BMPR1B: variants seen among roughly 807,000 people sequenced by gnomAD.
The protein encoded by BMPR1B is bone morphogenetic protein receptor type 1B.
A neutral mutation model predicts 59.1 loss-of-function variants in BMPR1B; 12 were observed. The ratio of observed to expected loss-of-function variants is 0.20; its 90% confidence interval spans 0.13 to 0.33. The LOEUF (loss-of-function observed/expected upper bound fraction) is 0.33, where lower values mean the gene tolerates loss of function less well. BMPR1B is among the 10% of genes least tolerant of loss of function. The pLI, the probability that BMPR1B is intolerant of heterozygous loss-of-function variation, is 1.00. For synonymous variants in BMPR1B, 237 were observed against 207.3 expected (o/e 1.14, Z -1.23); for missense variants, 550 against 610.9 (o/e 0.90, Z 1.05).
chr4:94,845,867 G>A (rs62316168), intron 1 of BMPR1B, among the ~76,000 whole-genome samples: 6 of 151,972 alleles, frequency 3.9e-5, no homozygotes, highest in African/African-American at 1.4e-4. Flanking sequence ...TATTATTTTG[G>A]CATAATAGAG....
intron 1 of BMPR1B, among the ~76,000 whole-genome samples, chr4:94,789,550 AT>A (rs36091654): frequency 0.55 from 83,919 of 151,814 alleles, 23,408 homozygotes; most frequent in Middle Eastern, 0.71. Flanking sequence ...GAATAAAAAA[AT>A]CACTTGAATT....
intron 3 of BMPR1B, among the ~76,000 whole-genome samples, chr4:95,099,410 T>C (rs1024816083): frequency 2.6e-5 from 4 of 152,218 alleles, no homozygotes; most frequent in Non-Finnish European, 4.4e-5. Flanking sequence ...CATGCAGATA[T>C]AGAAACAGGA....
rs976084221 is a variant in BMPR1B, at chr4:94,840,905, T to C, written c.-182-34926T>C. On this transcript the variant is annotated intron_variant, in intron 1 of 12. Transcript: ENST00000515059. ...CCATCTTTGTGGTTTTATCTCCTTT[T>C]GGTCTTTGATGATGGTGATGTACAG... Among the ~76,000 whole-genome samples, 104 of 147,320 alleles carry C rather than the reference T, an allele frequency of 7.1e-4. 7 individuals are homozygous for C. The highest frequency in any genetic ancestry group is 2.4e-3 in the African/African-American group (97 of 39,818).
At chr4:94,954,865 T>C (rs2149059303) in intron 2 of BMPR1B, among the ~76,000 whole-genome samples, 1 of 152,268 alleles carries the variant, frequency 6.6e-6, no homozygotes, top group South Asian at 2.1e-4. Context: ...TGTATGAAAA[T>C]TATTTAACAT....
chr4:94,779,926 A>G (rs1023440268), intron 1 of BMPR1B, among the ~76,000 whole-genome samples: 6 of 152,252 alleles, frequency 3.9e-5, no homozygotes, highest in African/African-American at 1.4e-4. Context: ...GCTGTATCAA[A>G]TTATTCTGTA....
chr4:95,069,831 GGCTCACGCCTGTAATCCCAA>G (rs1728138343), intron 3 of BMPR1B, among the ~76,000 whole-genome samples: 1 of 152,182 alleles, frequency 6.6e-6, no homozygotes, highest in Non-Finnish European at 1.5e-5. Flanking sequence ...CAGGCGTGAT[GGCTCACGCCTGTAATCCCAA>G]CACTTTGGGA....
intron 3 of BMPR1B, among the ~76,000 whole-genome samples, chr4:95,033,609 G>A (rs566351050): frequency 2.7e-4 from 41 of 152,210 alleles, no homozygotes; most frequent in African/African-American, 6.7e-4. Context: ...GAGCAAAAGC[G>A]TTTTAGTGTG....
chr4:95,024,685 A>G (rs1724230535), intron 3 of BMPR1B, among the ~76,000 whole-genome samples: 1 of 152,224 alleles, frequency 6.6e-6, no homozygotes, highest in Non-Finnish European at 1.5e-5. Context: ...TAGAAGACAG[A>G]CAATAAATAC....
chr4:95,144,922 C>T (rs553965530), intron 10 of BMPR1B, among the ~76,000 whole-genome samples: 5 of 152,148 alleles, frequency 3.3e-5, no homozygotes, highest in South Asian at 2.1e-4. Flanking sequence ...TTGTTCTTCC[C>T]GTCCTTATGC....
At chr4:94,966,242 T>G (rs184571741) in intron 2 of BMPR1B, among the ~76,000 whole-genome samples, 1 of 152,306 alleles carries the variant, frequency 6.6e-6, no homozygotes, top group African/African-American at 2.4e-5. Context: ...TGAGAACACA[T>G]GTTGGAGCTA....
chr4:95,099,778 C>G (rs1730692618), intron 3 of BMPR1B, among the ~76,000 whole-genome samples: 1 of 152,172 alleles, frequency 6.6e-6, no homozygotes, highest in Admixed American at 6.5e-5. Context: ...AAATAAATAA[C>G]TGTACTACTC....
chr4:95,037,379 C>G (rs992157837), intron 3 of BMPR1B, among the ~76,000 whole-genome samples: 3 of 152,170 alleles, frequency 2.0e-5, no homozygotes, highest in Admixed American at 1.3e-4. Context: ...TGATGTAAAC[C>G]GAAGCCCTGA....
intron 1 of BMPR1B, among the ~76,000 whole-genome samples, chr4:94,843,718 TGTG>T (rs1560511678): frequency 6.6e-6 from 1 of 150,566 alleles, no homozygotes; most frequent in African/African-American, 2.4e-5. Flanking sequence ...TCAAAAGAGG[TGTG>T]GTAAATGAAT....
chr4:94,794,713 T>G (rs1723119801), intron 1 of BMPR1B, among the ~76,000 whole-genome samples: 1 of 151,924 alleles, frequency 6.6e-6, no homozygotes, highest in Admixed American at 6.6e-5. Flanking sequence ...GGTTTGTAGT[T>G]CTCCTTGAAG....
Position 94,803,955 on chromosome 4 carries a change from T to C in BMPR1B, c.-183+45887T>C, listed in dbSNP as rs951149219. Among the ~76,000 whole-genome samples the C allele has an allele frequency of 1.1e-4, 17 of 152,306 alleles. No individual in the cohort carries two copies. In the East Asian group the frequency reaches 2.5e-3, roughly 22 times the overall value. ...GTGCAGTGGTGGAATCTCGGCTCAC[T>C]GCAAGCTCTGCCTCCTGGGTTCACA... On this transcript the variant is annotated intron_variant, in intron 1 of 12. Coordinates refer to ENST00000515059, the MANE Select transcript of BMPR1B (RefSeq NM_001203.3).
chr4:94,967,370 C>T (rs1730592017), intron 2 of BMPR1B, among the ~76,000 whole-genome samples: 1 of 151,996 alleles, frequency 6.6e-6, no homozygotes, highest in Non-Finnish European at 1.5e-5. Flanking sequence ...ATTATTATGC[C>T]CACCAACCAC....
chr4:94,772,009 A>G (rs534830535), intron 1 of BMPR1B, among the ~76,000 whole-genome samples: 2 of 152,138 alleles, frequency 1.3e-5, no homozygotes, highest in Non-Finnish European at 2.9e-5. Context: ...CACAGTAAAA[A>G]CCTTCAAGAA....
At chr4:94,891,462 G>A (rs940218429) in intron 2 of BMPR1B, among the ~76,000 whole-genome samples, 1 of 152,038 alleles carries the variant, frequency 6.6e-6, no homozygotes, top group Non-Finnish European at 1.5e-5. Flanking sequence ...AAAGGTAAAT[G>A]ATACTTAAAA....
Position 94,844,003 on chromosome 4 carries a change from G to A in BMPR1B, c.-182-31828G>A, listed in dbSNP as rs200291794. On this transcript the variant is annotated intron_variant, in intron 1 of 12. Coordinates refer to ENST00000515059, the MANE Select transcript of BMPR1B (RefSeq NM_001203.3). ...AAGAGTAGAATGGTGGTCCCCAGGG[G>A]CTGGGGTATGGGGGGAAATGCGGAG... is the stretch of plus-strand genomic sequence containing the variant. 1.4e-5 allele frequency among the ~76,000 whole-genome samples: 2 copies of A among 142,620 alleles called. 1 individual carries two copies. Among genetic ancestry groups the A allele is most frequent in the South Asian group, 4.6e-4 (2 of 4,322 alleles). 93.6% of individuals were successfully genotyped at this position (142,620 alleles called of 152,430 possible).
Sources: gnomAD v4.1 joint callset for allele counts (sites outside exome capture counted in the v4.1 genomes callset) on GRCh38, gnomAD v4.1.1 for gene constraint, MANE v1.5 for transcripts, NCBI Gene and HGNC (gene_info 2026-07-23, HGNC 2026-07-21) for gene names.